Variants in MAN2A1 observed in about 807,000 individuals in gnomAD.
The protein encoded by MAN2A1 is mannosidase alpha class 2A member 1, also known as alpha-mannosidase 2.
MAN2A1 carries 76 observed loss-of-function variants against 142.6 expected under a neutral mutation model. The ratio of observed to expected loss-of-function variants is 0.53; its 90% CI spans 0.44 to 0.65. The LOEUF (loss-of-function observed/expected upper bound fraction) is 0.65, where lower values mean the gene tolerates loss of function less well. Ranked by LOEUF, MAN2A1 falls within the 30% of genes least tolerant of loss-of-function variation. MAN2A1 has a pLI of 0.00. For synonymous variants in MAN2A1, 559 were observed against 473.2 expected (o/e 1.18, Z -2.35); for missense variants, 1,311 against 1,365.1 (o/e 0.96, Z 0.62).
chr5:109,830,840 AAG>A (rs1366750873), intron 16 of MAN2A1, among the ~76,000 whole-genome samples: 7 of 152,360 alleles, frequency 4.6e-5, no homozygotes, highest in African/African-American at 1.4e-4. Context: ...ACAGGCATGA[AAG>A]AGAAGGTTAT....
intron 1 of MAN2A1, among the ~76,000 whole-genome samples, chr5:109,704,799 G>A (rs1193426004): frequency 6.6e-6 from 1 of 152,176 alleles, no homozygotes; most frequent in East Asian, 1.9e-4. Flanking sequence ...CTTTAATGCG[G>A]CGCTTCTTAA....
At chr5:109,787,469 A>G (rs1753623606) in intron 10 of MAN2A1, among the ~76,000 whole-genome samples, 1 of 152,096 alleles carries the variant, frequency 6.6e-6, no homozygotes, top group Admixed American at 6.6e-5. Context: ...AACGTTTAGA[A>G]TTTTGTTTTA....
At chr5:109,801,034 A>T (rs1754014777) in intron 12 of MAN2A1, among the ~76,000 whole-genome samples, 1 of 152,084 alleles carries the variant, frequency 6.6e-6, no homozygotes, top group South Asian at 2.1e-4. Context: ...ACCCAATATG[A>T]CTTCTTGTAT....
At chr5:109,710,650 G>A (rs950494424) in intron 1 of MAN2A1, among the ~76,000 whole-genome samples, 4 of 151,874 alleles carry the variant, frequency 2.6e-5, no homozygotes, top group African/African-American at 9.7e-5. Context: ...GACTACAGGT[G>A]CATGCCACCA....
Position 109,784,561 on chromosome 5 carries a change from G to A in MAN2A1, c.1578-183G>A, listed in dbSNP as rs145674122. ...ATGGTATTCTTTGATGATTGAGAAC[G>A]TAAATGTGTTATACGGGATACATTG... is the stretch of plus-strand genomic sequence containing the variant. On this transcript the variant is annotated intron_variant, in intron 9 of 21. Coordinates refer to ENST00000261483, the MANE Select transcript of MAN2A1 (RefSeq NM_002372.4). 1.3e-3 allele frequency among the ~76,000 whole-genome samples: 199 copies of A among 152,198 alleles called. 1 individual carries two copies. Among genetic ancestry groups the A allele is most frequent in the African/African-American group, 4.6e-3 (190 of 41,534 alleles).
At chr5:109,859,858 T>C (rs1755712133) in intron 20 of MAN2A1, among the ~76,000 whole-genome samples, 1 of 150,906 alleles carries the variant, frequency 6.6e-6, no homozygotes, top group Admixed American at 6.6e-5. Context: ...ACTTTAGAAA[T>C]GTGATATGTA....
chr5:109,697,637 T>G (rs747344370), intron 1 of MAN2A1, among the ~76,000 whole-genome samples: 5 of 152,194 alleles, frequency 3.3e-5, no homozygotes, highest in Non-Finnish European at 7.3e-5. Context: ...CTGACCACTT[T>G]CACACAACAG....
chr5:109,820,840 C>T (rs1009133285), intron 15 of MAN2A1, among the ~76,000 whole-genome samples: 5 of 152,030 alleles, frequency 3.3e-5, no homozygotes, highest in African/African-American at 1.2e-4. Context: ...TGTTAAGATG[C>T]TACAATGAAC....
At chr5:109,829,039 TA>T (rs1211459442) in intron 16 of MAN2A1, among the ~76,000 whole-genome samples, 1 of 151,700 alleles carries the variant, frequency 6.6e-6, no homozygotes, top group Non-Finnish European at 1.5e-5. Flanking sequence ...CAAATGGAAT[TA>T]AAAGATAAAA....
chr5:109,787,997 A>G (rs934816242), intron 10 of MAN2A1, among the ~76,000 whole-genome samples: 2 of 151,866 alleles, frequency 1.3e-5, no homozygotes, highest in African/African-American at 4.8e-5. Context: ...GGAAATATTA[A>G]TGCTCTGCAA....
chr5:109,789,100 T>G, intron 11 of MAN2A1, 52 bp downstream of exon 11: 1 of 904,976 alleles, frequency 1.1e-6, no homozygotes, highest in Non-Finnish European at 1.7e-6. Context: ...CCATTGTTCT[T>G]GCATTAGCAA....
chr5:109,868,620 T>C lies in MAN2A1; in HGVS notation c.*1622T>C, dbSNP rs1400567475. The C allele has an allele frequency of 6.6e-6, 1 of 152,212 alleles. No individual in the cohort carries two copies. Among genetic ancestry groups the C allele is most frequent in the Non-Finnish European group, 1.5e-5 (1 of 68,032 alleles). 9.4% of individuals were successfully genotyped at this position (152,212 alleles called of 1,614,324 possible). On this transcript the variant is annotated 3_prime_UTR_variant, in exon 22 of 22. Coordinates refer to ENST00000261483, the MANE Select transcript of MAN2A1 (RefSeq NM_002372.4). Reference sequence around the variant, plus strand: ...GATGCAGCTCCTAAGATTATTGTTATGTTAAATTCATAAACTCCTTCACCT... The same window carrying C: ...GATGCAGCTCCTAAGATTATTGTTACGTTAAATTCATAAACTCCTTCACCT...
chr5:109,785,914 G>T (rs1405946764), intron 10 of MAN2A1, among the ~76,000 whole-genome samples: 1 of 151,970 alleles, frequency 6.6e-6, no homozygotes, highest in African/African-American at 2.4e-5. Context: ...TGAGAAAAGC[G>T]TATACAACAC....
At position 109,819,885 on chromosome 5, in the gene MAN2A1, A is replaced by G; in HGVS notation, c.2326A>G (p.Lys776Glu). 6.3e-7 allele frequency: 1 copy of G among 1,577,404 alleles called. No homozygotes were observed. The highest frequency in any genetic ancestry group is 8.6e-7 in the Non-Finnish European group (1 of 1,160,054). The change falls in exon 14 of 22, where the codon AAG becomes GAG. Residue 776 changes from lysine (K) to glutamate (E), a missense_variant and splice_region_variant. By Grantham distance (56) the Lys-to-Glu change is moderately conservative. Coordinates refer to ENST00000261483, the MANE Select transcript of MAN2A1 (RefSeq NM_002372.4). ...LLRFDQTGLM[K>E]QMMTKEDGKH... is the part of the protein sequence containing the mutation. ...TCGGTTTGATCAAACTGGACTTATG[A>G]AGGTATGTTCTGAATAGTTCTAAAA...
intron 16 of MAN2A1, among the ~76,000 whole-genome samples, chr5:109,828,077 C>G (rs1327985469): frequency 6.7e-6 from 1 of 150,162 alleles, no homozygotes; most frequent in African/African-American, 2.5e-5. Flanking sequence ...TGTACTCCAA[C>G]CTGGGCAACA....
chr5:109,858,400 T>C (rs1313683541), intron 20 of MAN2A1, among the ~76,000 whole-genome samples: 2 of 152,206 alleles, frequency 1.3e-5, no homozygotes, highest in Non-Finnish European at 2.9e-5. Context: ...CAAAGAAAGC[T>C]GTACTTACAA....
intron 12 of MAN2A1, among the ~76,000 whole-genome samples, chr5:109,797,959 A>T (rs1753907893): frequency 6.6e-6 from 1 of 152,214 alleles, no homozygotes; most frequent in South Asian, 2.1e-4. Context: ...CCACAGGCAC[A>T]CTTCCCATAT....
In MAN2A1 at chr5:109,760,233, G is replaced by A. The variant is rs542655314; in HGVS notation, c.835+4777G>A. ...TCCCACTTATGAGTGAGAACATGCG[G>A]TGTTTGGTTTTCTGTTCCTGTGTTA... is the stretch of plus-strand genomic sequence containing the variant. On this transcript the variant is annotated intron_variant, in intron 5 of 21. Transcript: ENST00000261483. Among the ~76,000 whole-genome samples the A allele has an allele frequency of 2.0e-5, 3 of 152,228 alleles. No individual in the cohort carries two copies. The South Asian group carries it at 6.2e-4, about 32-fold the overall frequency.
At chr5:109,767,180 C>T (rs1202857718) in intron 5 of MAN2A1, among the ~76,000 whole-genome samples, 1 of 152,168 alleles carries the variant, frequency 6.6e-6, no homozygotes, top group Non-Finnish European at 1.5e-5. Flanking sequence ...CCACAGATCA[C>T]AGGACTGTGA....
Sources: gnomAD v4.1 joint callset for allele counts (sites outside exome capture counted in the v4.1 genomes callset) on GRCh38, gnomAD v4.1.1 for gene constraint, MANE v1.5 for transcripts, NCBI Gene and HGNC (gene_info 2026-07-23, HGNC 2026-07-21) for gene names.